The following LRMDA variants were observed in gnomAD, a reference collection of about 807,000 sequenced individuals.
The protein encoded by LRMDA is leucine-rich melanocyte differentiation-associated protein.
A neutral mutation model predicts 29.8 loss-of-function variants in LRMDA; 18 were observed. That is an observed-to-expected ratio of 0.60 (90% confidence interval 0.42 to 0.90). The LOEUF (loss-of-function observed/expected upper bound fraction) is 0.90, where lower values mean the gene tolerates loss of function less well. Ranked by LOEUF, LRMDA falls within the 40% of genes least tolerant of loss-of-function variation. LRMDA has a pLI of 0.00. For missense variants in LRMDA, 273 were observed against 273.9 expected (o/e 1.00, Z 0.02); for synonymous variants, 125 against 109.4 (o/e 1.14, Z -0.89).
chr10:76,007,825 T>G (rs1037611738), intron 2 of LRMDA, among the ~76,000 whole-genome samples: 2 of 152,216 alleles, frequency 1.3e-5, no homozygotes, highest in African/African-American at 4.8e-5. Flanking sequence ...GTCTTTGTGA[T>G]GGCTTGGAGG....
chr10:75,593,675 C>T (rs1244128734), intron 2 of LRMDA, among the ~76,000 whole-genome samples: 1 of 152,262 alleles, frequency 6.6e-6, no homozygotes, highest in Non-Finnish European at 1.5e-5. Flanking sequence ...GATTTTCCTT[C>T]CTCTGACAGT....
chr10:75,834,197 A>T (rs1442199286), intron 2 of LRMDA, among the ~76,000 whole-genome samples: 1 of 152,164 alleles, frequency 6.6e-6, no homozygotes, highest in Non-Finnish European at 1.5e-5. Context: ...ATGGTATCCA[A>T]TGTATGTCAT....
intron 5 of LRMDA, among the ~76,000 whole-genome samples, chr10:76,202,076 G>A (rs983383651): frequency 6.6e-6 from 1 of 152,070 alleles, no homozygotes; most frequent in Non-Finnish European, 1.5e-5. Flanking sequence ...TCCATGAGCA[G>A]CAAAGAACAA....
chr10:75,947,529 A>C (rs916728806), intron 2 of LRMDA, among the ~76,000 whole-genome samples: 10 of 152,146 alleles, frequency 6.6e-5, no homozygotes, highest in African/African-American at 2.2e-4. Context: ...AGTAGAAGGG[A>C]AGGGGAGGGA....
chr10:76,130,199 C>A (rs929962575), intron 5 of LRMDA, among the ~76,000 whole-genome samples: 11 of 151,320 alleles, frequency 7.3e-5, no homozygotes, highest in African/African-American at 2.7e-4. Flanking sequence ...TTCCCAGCTT[C>A]ATACCCAATC....
intron 6 of LRMDA, among the ~76,000 whole-genome samples, chr10:76,393,722 A>G (rs1841750223): frequency 1.3e-5 from 2 of 152,196 alleles, no homozygotes; most frequent in African/African-American, 4.8e-5. Context: ...GGTGACATCC[A>G]AAAAGTCATT....
At chr10:75,952,531 AT>A (rs766795819) in intron 2 of LRMDA, among the ~76,000 whole-genome samples, 8 of 152,134 alleles carry the variant, frequency 5.3e-5, no homozygotes, top group Non-Finnish European at 1.0e-4. Flanking sequence ...TACAAAGAAT[AT>A]TGGAACGATT....
intron 2 of LRMDA, among the ~76,000 whole-genome samples, chr10:75,628,010 CCAGTGGTTAGCCCT>C (rs1841273568): frequency 6.6e-6 from 1 of 152,168 alleles, no homozygotes; most frequent in Admixed American, 6.5e-5. Flanking sequence ...TGGTGCTTGG[CCAGTGGTTAGCCCT>C]CAGTAATATT....
chr10:75,763,782 T>C lies in LRMDA; in HGVS notation c.132-272226T>C, dbSNP rs140784317. On this transcript the variant is annotated intron_variant, in intron 2 of 6. Transcript: ENST00000611255. The stretch of plus-strand genomic sequence containing the variant: ...CCTGGTTGGGAGGTAGTGTGTTGTA[T>C]TGGATAGAGCCCTAGAGTTGGGAAA... 2.9e-3 allele frequency among the ~76,000 whole-genome samples: 443 copies of C among 151,876 alleles called. 2 individuals are homozygous for C. The highest frequency in any genetic ancestry group is 0.01 in the African/African-American group (418 of 41,360).
intron 2 of LRMDA, among the ~76,000 whole-genome samples, chr10:75,877,783 C>T (rs528178466): frequency 6.6e-6 from 1 of 152,330 alleles, no homozygotes; most frequent in South Asian, 2.1e-4. Context: ...TGATGGGACT[C>T]CTGTCCCAAT....
chr10:75,852,175 T>C (rs1223014586), intron 2 of LRMDA, among the ~76,000 whole-genome samples: 2 of 152,220 alleles, frequency 1.3e-5, no homozygotes, highest in African/African-American at 4.8e-5. Flanking sequence ...TGTCTCAACT[T>C]AACTTCCAGC....
chr10:75,956,866 G>A (rs2132424937), intron 2 of LRMDA, among the ~76,000 whole-genome samples: 1 of 152,230 alleles, frequency 6.6e-6, no homozygotes, highest in African/African-American at 2.4e-5. Flanking sequence ...CAGCTGCAAG[G>A]GTAGCTGGGA....
chr10:76,034,461 C>T lies in LRMDA; in HGVS notation c.132-1547C>T, dbSNP rs1848205239. Among the ~76,000 whole-genome samples the T allele has an allele frequency of 2.0e-5, 3 of 152,238 alleles. No individual in the cohort carries two copies. The South Asian group carries it at 6.2e-4, about 32-fold the overall frequency. On this transcript the variant is annotated intron_variant, in intron 2 of 6. Coordinates refer to ENST00000611255, the MANE Select transcript of LRMDA (RefSeq NM_001305581.2). ...GGGCTGGCAGTGTTGGTTGGAGGAG[C>T]AGGCGTGCTCTGGGAGTCGAGTCCT...
intron 5 of LRMDA, among the ~76,000 whole-genome samples, chr10:76,302,689 T>G (rs1425066437): frequency 6.6e-6 from 1 of 152,192 alleles, no homozygotes; most frequent in Non-Finnish European, 1.5e-5. Context: ...TTGACTTTGG[T>G]GATTGTGAGA....
intron 2 of LRMDA, among the ~76,000 whole-genome samples, chr10:75,961,925 A>G (rs2132429769): frequency 6.6e-6 from 1 of 152,068 alleles, no homozygotes; most frequent in South Asian, 2.1e-4. Context: ...GTGGCTGGCA[A>G]TCTTTGGCAT....
chr10:76,298,514 A>G (rs1840440381), intron 5 of LRMDA, among the ~76,000 whole-genome samples: 1 of 152,148 alleles, frequency 6.6e-6, no homozygotes, highest in South Asian at 2.1e-4. Context: ...TAGGAGAGGA[A>G]ATGAACTCTG....
chr10:76,520,871 CT>C (rs1296079568), intron 6 of LRMDA, among the ~76,000 whole-genome samples: 1 of 152,080 alleles, frequency 6.6e-6, no homozygotes, highest in African/African-American at 2.4e-5. Context: ...CATGAAGCTT[CT>C]TTTAGTATAT....
chr10:76,274,612 A>C (rs1840108337), intron 5 of LRMDA, among the ~76,000 whole-genome samples: 1 of 152,188 alleles, frequency 6.6e-6, no homozygotes, highest in Non-Finnish European at 1.5e-5. Context: ...CCACTGAGGT[A>C]AAGGTTACGT....
intron 2 of LRMDA, among the ~76,000 whole-genome samples, chr10:75,846,913 G>A (rs1265847567): frequency 1.3e-5 from 2 of 152,108 alleles, no homozygotes; most frequent in East Asian, 1.9e-4. Context: ...ATTTAATACT[G>A]TTAAAATGTC....
Sources: gnomAD v4.1 joint callset for allele counts (sites outside exome capture counted in the v4.1 genomes callset) on GRCh38, gnomAD v4.1.1 for gene constraint, MANE v1.5 for transcripts, NCBI Gene and HGNC (gene_info 2026-07-23, HGNC 2026-07-21) for gene names.